The following SSH3 variants were observed in gnomAD, a reference collection of about 807,000 sequenced individuals.
The protein encoded by SSH3 is slingshot protein phosphatase 3.
SSH3 carries 67 observed loss-of-function variants against 75.0 expected under a neutral mutation model. The ratio of observed to expected loss-of-function variants is 0.89; its 90% CI spans 0.73 to 1.10. SSH3 has a LOEUF of 1.10. Ranked by LOEUF, SSH3 falls within the 50% of genes least tolerant of loss-of-function variation. The probability of loss-of-function intolerance (pLI) is 0.00; values close to 1 mark genes in which losing one functional copy is unlikely to be tolerated. For synonymous variants in SSH3, 318 were observed against 349.2 expected, an observed-to-expected ratio of 0.91 and a Z score of 1.00; for missense variants, 824 against 872.7, an observed-to-expected ratio of 0.94 and a Z score of 0.70.
Position 67,308,307 on chromosome 11 carries a change from G to T in SSH3, c.1014+5G>T, listed in dbSNP as rs370781909. 90 of 1,614,034 alleles carry T rather than the reference G, an allele frequency of 5.6e-5. No individual in the cohort carries two copies. The highest frequency in any genetic ancestry group is 8.3e-5 in the Admixed American group (5 of 59,998). On this transcript the variant is annotated splice_donor_5th_base_variant and intron_variant, in intron 9 of 13. Coordinates refer to ENST00000308127, the MANE Select transcript of SSH3 (RefSeq NM_017857.4). The surrounding 1 kb of genome is among the most constrained non-coding windows in gnomAD (Gnocchi z 4.9). ...ATCTTCCCCCACCTCTACCTGGTGA[G>T]CTTCAGCCAGGCCTGGGCCATGGGG...
chr11:67,304,142 C>A lies in SSH3; in HGVS notation c.91C>A (p.Arg31=), dbSNP rs374323005. ...GGACCAGGCGGTCCAGCGAAGGAGT[C>A]GACTCCAGCGAAGGTGAGCGCCACC... ...PWDQAVQRRS[R]LQRRQSFAVL... The change falls in exon 2 of 14, where the codon CGA becomes AGA. Residue 31 remains arginine (R), a synonymous_variant. Coordinates refer to ENST00000308127, the MANE Select transcript of SSH3 (RefSeq NM_017857.4). 31 of 1,599,456 alleles carry A rather than the reference C, an allele frequency of 1.9e-5. No homozygotes were observed. Among genetic ancestry groups the A allele is most frequent in the Admixed American group, 5.0e-5 (3 of 59,514 alleles).
At chr11:67,303,786 A>G (rs1332677683) in intron 1 of SSH3, 95 bp downstream of exon 1, 6 of 1,302,244 alleles carry the variant, frequency 4.6e-6, no homozygotes, top group Middle Eastern at 2.8e-4. Flanking sequence ...GAACGGGGAC[A>G]TGAGGAGGGG....
chr11:67,305,203 T>C (rs1861201553), intron 3 of SSH3, among the ~76,000 whole-genome samples, 196 bp downstream of exon 3: 1 of 152,044 alleles, frequency 6.6e-6, no homozygotes, highest in Admixed American at 6.5e-5. Context: ...TGTTTTTTTT[T>C]TGAGATGGAG....
chr11:67,309,207 G>A (rs1353462836), intron 10 of SSH3, 190 bp from the exon 11 acceptor site: 1 of 655,760 alleles, frequency 1.5e-6, no homozygotes, highest in Non-Finnish European at 2.6e-6. Flanking sequence ...AACAAGCCCA[G>A]CAGGGCAAGA....
In SSH3 at chr11:67,307,945, C is replaced by T; in HGVS notation, c.885+6C>T. Reference sequence around the variant, plus strand: ...AGAGTGTCACTTCCAAAGAGGTGGGCAGGGGGCCCGGGGACTGAGTCCCCT... The same window carrying T: ...AGAGTGTCACTTCCAAAGAGGTGGGTAGGGGGCCCGGGGACTGAGTCCCCT... On this transcript the variant is annotated splice_donor_region_variant and intron_variant, in intron 8 of 13. Coordinates refer to ENST00000308127, the MANE Select transcript of SSH3 (RefSeq NM_017857.4). The surrounding 1 kb of genome is among the most constrained non-coding windows in gnomAD (Gnocchi z 4.2). The T allele has an allele frequency of 6.2e-7, 1 of 1,614,104 alleles. No individual in the cohort carries two copies. The highest frequency in any genetic ancestry group is 8.5e-7 in the Non-Finnish European group (1 of 1,179,966).
intron 2 of SSH3, 25 bp downstream of exon 2, chr11:67,304,180 A>G: frequency 6.4e-7 from 1 of 1,566,960 alleles, no homozygotes; most frequent in South Asian, 1.1e-5. Context: ...CCCCACGCAG[A>G]CACTTCCGTC....
rs544622552 is a variant in SSH3, at chr11:67,308,467, A to G, written c.1061+9A>G. 8.2e-6 allele frequency: 13 copies of G among 1,580,786 alleles called. No individual in the cohort carries two copies. The South Asian group carries it at 1.3e-4, about 15-fold the overall frequency. ...GAGCTGCAGAGGAACAGGTAGGGCT[A>G]TGAGCCCCTCGGGCCACCCACCCCA... On this transcript the variant is annotated intron_variant, in intron 10 of 13. Transcript: ENST00000308127. The surrounding 1 kb of genome is among the most constrained non-coding windows in gnomAD (Gnocchi z 4.9).
rs762193899 is a variant in SSH3, at chr11:67,304,840, GC to G, written c.173del (p.Ala58GlufsTer48). ...LQDGGDNDDA[A>X]EASSEPTEKA... The stretch of plus-strand genomic sequence containing the variant: ...GGATGGAGGGGACAATGATGATGCA[GC>G]AGAGGCCAGTTCTGAGCCAACAGAG... On this transcript the variant is annotated frameshift_variant, in exon 3 of 14. Transcript: ENST00000308127. LOFTEE classifies it high-confidence loss of function. The G allele has an allele frequency of 6.2e-7, 1 of 1,613,652 alleles. No homozygotes were observed. Among genetic ancestry groups the G allele is most frequent in the Non-Finnish European group, 8.5e-7 (1 of 1,179,962 alleles).
At position 67,310,052 on chromosome 11, in the gene SSH3, C is replaced by A; in HGVS notation, c.1410-14C>A. On this transcript the variant is annotated splice_polypyrimidine_tract_variant and intron_variant, in intron 12 of 13. Coordinates refer to ENST00000308127, the MANE Select transcript of SSH3 (RefSeq NM_017857.4). ...TGGGTCACTCAGAGCTGACTCAGGG[C>A]CACCTCCTCACAGCCGCCAGAGCCA... The A allele has an allele frequency of 6.2e-7, 1 of 1,611,168 alleles. No homozygotes were observed. The highest frequency in any genetic ancestry group is 8.5e-7 in the Non-Finnish European group (1 of 1,178,522).
At position 67,304,831 on chromosome 11, in the gene SSH3, G is replaced by C. The variant is rs1248027269; in HGVS notation, c.163G>C (p.Asp55His). 6.2e-7 allele frequency: 1 copy of C among 1,613,538 alleles called. No homozygotes were observed. Among genetic ancestry groups the C allele is most frequent in the Non-Finnish European group, 8.5e-7 (1 of 1,179,884 alleles). The part of the protein sequence containing the change: ...VLGLQDGGDN[D>H]DAAEASSEPT... ...GGGACTGCAGGATGGAGGGGACAAT[G>C]ATGATGCAGCAGAGGCCAGTTCTGA... The change falls in exon 3 of 14, where the codon GAT becomes CAT. Residue 55 changes from aspartate to histidine, a missense_variant. Asp to His is a moderately conservative substitution (Grantham distance 81). Coordinates refer to ENST00000308127, the MANE Select transcript of SSH3 (RefSeq NM_017857.4).
Position 67,306,860 on chromosome 11 carries a change from G to C in SSH3, c.362G>C (p.Arg121Pro), listed in dbSNP as rs202137284. ...CAGGCAGCCCAGCTGGAGGCACCCCGGCCTCCCCGGCTCCGCTACCTGCTG... is the reference window on the plus strand; with the variant it reads ...CAGGCAGCCCAGCTGGAGGCACCCCCGCCTCCCCGGCTCCGCTACCTGCTG... Reference protein sequence around the residue: ...IRLAAQLEAPRPPRLRYLLVV... With the variant: ...IRLAAQLEAPPPPRLRYLLVV... The change falls in exon 4 of 14, where the codon CGG becomes CCG. Residue 121 changes from arginine to proline, a missense_variant. Coordinates refer to ENST00000308127, the MANE Select transcript of SSH3 (RefSeq NM_017857.4). 1.2e-6 allele frequency: 2 copies of C among 1,612,620 alleles called. No homozygotes were observed. The highest frequency in any genetic ancestry group is 3.3e-5 in the Admixed American group (2 of 59,952).
Position 67,308,058 on chromosome 11 carries a change from TTGGCCC to T in SSH3, c.886-114_886-109del. Reference sequence around the variant, plus strand: ...TGAGCCATTCCTGGATGCCTTGGCCTTGGCCCTAATCCATCTAGATGGGATAGGGTG... The same window carrying T: ...TGAGCCATTCCTGGATGCCTTGGCCTTAATCCATCTAGATGGGATAGGGTG... On this transcript the variant is annotated intron_variant, in intron 8 of 13. Coordinates refer to ENST00000308127, the MANE Select transcript of SSH3 (RefSeq NM_017857.4). This position sits in a 1 kb window ranked among gnomAD's most constrained non-coding sequence, Gnocchi z 4.9. The T allele has an allele frequency of 6.3e-7, 1 of 1,591,228 alleles. No individual in the cohort carries two copies. The highest frequency in any genetic ancestry group is 1.1e-5 in the South Asian group (1 of 87,768).
At position 67,311,714 on chromosome 11, in the gene SSH3, G is replaced by GTGGT; in HGVS notation, c.1809_1812dup (p.Thr605GlyfsTer49). The GTGGT allele has an allele frequency of 6.2e-7, 1 of 1,614,046 alleles. No homozygotes were observed. The highest frequency in any genetic ancestry group is 8.5e-7 in the Non-Finnish European group (1 of 1,179,970). On this transcript the variant is annotated frameshift_variant, in exon 14 of 14. Coordinates refer to ENST00000308127, the MANE Select transcript of SSH3 (RefSeq NM_017857.4). LOFTEE classifies it high-confidence loss of function. ...GCCTGCCCTGAAGTCCCGCCAGTCA[G>GTGGT]TGGTTACCCTCCAGGGCAGTGCCGT...
chr11:67,306,915 G>A lies in SSH3; in HGVS notation c.417G>A (p.Leu139=), dbSNP rs1385616941. 2 of 1,613,762 alleles carry A rather than the reference G, an allele frequency of 1.2e-6. No homozygotes were observed. Among genetic ancestry groups the A allele is most frequent in the East Asian group, 4.5e-5 (2 of 44,870 alleles). Residue 139 remains leucine, a synonymous_variant, in exon 4 of 14, where the codon CTG becomes CTA. Transcript: ENST00000308127. ...TTTCTACACGAGAAGGAGAAGGTCT[G>A]AGCCAGGATGAGACGGTCCTCCTGG... ...LVVSTREGEG[L]SQDETVLLGV...
At position 67,311,775 on chromosome 11, in the gene SSH3, A is replaced by AGAAGGG; in HGVS notation, c.1869_1870insAAGGGG (p.Glu623_Gln624insLysGly). 2.5e-6 allele frequency: 4 copies of AGAAGGG among 1,613,758 alleles called. No homozygotes were observed. Among genetic ancestry groups the AGAAGGG allele is most frequent in the Non-Finnish European group, 3.4e-6 (4 of 1,179,914 alleles). ...CGGACCCAGGCCTTCCAGGAGCAGG[A>AGAAGGG]GCAGGGGCAGGGGCAGGGGCAGGGA... On this transcript the variant is annotated inframe_insertion, in exon 14 of 14. Transcript: ENST00000308127.
intron 10 of SSH3, 71 bp from the exon 11 acceptor site, chr11:67,309,325 CT>C: frequency 6.3e-7 from 1 of 1,588,642 alleles, no homozygotes; most frequent in Non-Finnish European, 8.6e-7. Context: ...GGCCCAGGGG[CT>C]GCCAGGTCCG....
Position 67,307,506 on chromosome 11 carries a change from G to A in SSH3, c.603-43G>A, listed in dbSNP as rs1861279363. ...AGGAGGCTGCAGGGCCTGGGGAAGG[G>A]CAGCAAGGGAACAGTGTGACCCAGC... On this transcript the variant is annotated intron_variant, in intron 6 of 13. Transcript: ENST00000308127. This position sits in a 1 kb window ranked among gnomAD's most constrained non-coding sequence, Gnocchi z 4.2. 6.2e-7 allele frequency: 1 copy of A among 1,612,394 alleles called. No individual in the cohort carries two copies. Among genetic ancestry groups the A allele is most frequent in the Non-Finnish European group, 8.5e-7 (1 of 1,179,246 alleles).
In SSH3 at chr11:67,305,143, C is replaced by T. The variant is rs1590882972; in HGVS notation, c.339+136C>T. 10 of 778,874 alleles carry T rather than the reference C, an allele frequency of 1.3e-5. No individual in the cohort carries two copies. In the South Asian group the frequency reaches 1.8e-4, roughly 14 times the overall value. The allele number at this position is 778,874 out of a possible 1,614,324, so 48.2% of individuals were successfully genotyped here. ...CAGCCTGGGGAGTGTTGGGGTTACCCATATCCCAGTGACCCTGCTGTTTCA... is the reference window on the plus strand; with the variant it reads ...CAGCCTGGGGAGTGTTGGGGTTACCTATATCCCAGTGACCCTGCTGTTTCA... On this transcript the variant is annotated intron_variant, in intron 3 of 13. Coordinates refer to ENST00000308127, the MANE Select transcript of SSH3 (RefSeq NM_017857.4).
At chr11:67,303,796 G>A in intron 1 of SSH3, 105 bp downstream of exon 1, 2 of 1,233,418 alleles carry the variant, frequency 1.6e-6, no homozygotes, top group South Asian at 3.4e-5. Context: ...ATGAGGAGGG[G>A]GCCCCGGGGC....
Sources: allele counts gnomAD v4.1 joint callset (sites outside exome capture counted in the v4.1 genomes callset), GRCh38; gene constraint gnomAD v4.1.1; non-coding constraint Gnocchi (gnomAD v3.1); transcripts MANE v1.5; gene names NCBI Gene and HGNC (gene_info 2026-07-23, HGNC 2026-07-21).